The following DOP1A variants were observed in gnomAD, a reference collection of about 807,000 sequenced individuals.
The protein encoded by DOP1A is protein DOP1A.
DOP1A carries 90 observed loss-of-function variants against 267.6 expected under a neutral mutation model. The observed-to-expected ratio is 0.34, with a 90% confidence interval of 0.28 to 0.40. The LOEUF (loss-of-function observed/expected upper bound fraction) is 0.40. DOP1A is among the 10% of genes least tolerant of loss of function. The pLI, the probability that DOP1A is intolerant of heterozygous loss-of-function variation, is 1.00. For missense variants in DOP1A, 2,437 were observed against 2,900.4 expected (o/e 0.84, Z 3.67); for synonymous variants, 932 against 999.1 (o/e 0.93, Z 1.27).
intron 16 of DOP1A, 116 bp from the exon 17 acceptor site, chr6:83,130,007 T>G: frequency 7.8e-7 from 1 of 1,275,150 alleles, no homozygotes; most frequent in Non-Finnish European, 1.1e-6. Context: ...ACCATGGTTT[T>G]GTTAACAGAT....
chr6:83,091,805 A>G (rs1226419109), intron 1 of DOP1A, among the ~76,000 whole-genome samples: 1 of 152,028 alleles, frequency 6.6e-6, no homozygotes, highest in African/African-American at 2.4e-5. Flanking sequence ...CTAAGGAAGG[A>G]AAAAAAATGT....
intron 4 of DOP1A, among the ~76,000 whole-genome samples, chr6:83,103,952 C>G (rs2128147018): frequency 6.6e-6 from 1 of 152,262 alleles, no homozygotes; most frequent in South Asian, 2.1e-4. Flanking sequence ...TGCAGCTTAA[C>G]TTTTAAAACT....
chr6:83,130,569 C>T (rs1007816273), intron 17 of DOP1A, among the ~76,000 whole-genome samples, 172 bp downstream of exon 17: 3 of 152,088 alleles, frequency 2.0e-5, no homozygotes, highest in African/African-American at 7.2e-5. Flanking sequence ...ATACTGCTCT[C>T]CCCATCTTAT....
At chr6:83,170,288 G>T (rs770108815), downstream of DOP1A, 1 of 1,612,222 alleles carries the variant, frequency 6.2e-7, no homozygotes, top group African/African-American at 1.3e-5. Context: ...TTTTTCAATA[G>T]AACTATCCCA....
rs147237554 is a variant in DOP1A, at chr6:83,096,685, A to G, written c.-146-46A>G. 7.3e-4 allele frequency: 303 copies of G among 413,602 alleles called. 1 individual carries two copies. Among genetic ancestry groups the G allele is most frequent in the African/African-American group, 4.7e-3 (233 of 49,404 alleles). The allele number at this position is 413,602 out of a possible 1,614,324, so 25.6% of individuals were successfully genotyped here. The stretch of plus-strand genomic sequence containing the variant: ...TGAAATAAGTATAAGAAAATTTTCT[A>G]TGCTTTTACTTACTAAATTTTCACA... On this transcript the variant is annotated intron_variant, in intron 1 of 38. Transcript: ENST00000349129.
Position 83,137,850 on chromosome 6 carries a change from T to A in DOP1A, c.3808T>A (p.Phe1270Ile). The change falls in exon 21 of 39, where the codon TTC becomes ATC. Residue 1270 changes from phenylalanine (F) to isoleucine (I), a missense_variant. This residue lies in a region of DOP1A where 878 missense variants were observed against 992.9 expected (regional missense o/e 0.88). Transcript: ENST00000349129. ...ACAAAGGAGTCACAGTAGTATTCAA[T>A]TCAGCTTCAAAGAAAAATTATCAGA... ...SRQRSHSSIQFSFKEKLSEKV... is the reference protein window; with the variant it reads ...SRQRSHSSIQISFKEKLSEKV... 1 of 1,613,594 alleles carries A rather than the reference T, an allele frequency of 6.2e-7. No homozygotes were observed. The highest frequency in any genetic ancestry group is 8.5e-7 in the Non-Finnish European group (1 of 1,179,838).
chr6:83,135,669 G>T lies in DOP1A; in HGVS notation c.2921G>T (p.Ser974Ile), dbSNP rs200255523. 234 of 1,613,524 alleles carry T rather than the reference G, an allele frequency of 1.5e-4. 1 individual carries two copies. In the Middle Eastern group the frequency reaches 7.3e-3, roughly 50 times the overall value. Residue 974 changes from serine (S) to isoleucine (I), a missense_variant, in exon 20 of 39, where the codon AGC becomes ATC. Coordinates refer to ENST00000349129, the MANE Select transcript of DOP1A (RefSeq NM_015018.4). ...CTTAACAGTCTCGATGGTTCTACTA[G>T]CTCTGTGGGACAAGCCTGGCTGAAC... ...DSLNSLDGST[S>I]SVGQAWLNQV...
intron 1 of DOP1A, among the ~76,000 whole-genome samples, chr6:83,094,606 T>C (rs1032198425): frequency 4.6e-5 from 7 of 152,216 alleles, no homozygotes; most frequent in African/African-American, 1.4e-4. Flanking sequence ...TGAAATATTG[T>C]GGTTTTGATT....
At chr6:83,096,875 C>A in intron 2 of DOP1A, 50 bp from the exon 3 acceptor site, 1 of 1,346,606 alleles carries the variant, frequency 7.4e-7, no homozygotes, top group Non-Finnish European at 1.0e-6. Flanking sequence ...ATCATATGAA[C>A]CCGTTTTAAT....
rs772292377 is a variant in DOP1A, at chr6:83,108,967, C to G, written c.378C>G (p.Leu126=). The G allele has an allele frequency of 6.2e-7, 1 of 1,613,490 alleles. No homozygotes were observed. The highest frequency in any genetic ancestry group is 8.5e-7 in the Non-Finnish European group (1 of 1,179,772). Reference sequence around the variant, plus strand: ...CCATGTCTGTGAAACCAACATTGCTCAGTTTGTATGAGATATATTATCTGC... The same window carrying G: ...CCATGTCTGTGAAACCAACATTGCTGAGTTTGTATGAGATATATTATCTGC... ...NAAMSVKPTL[L]SLYEIYYLPL... The change falls in exon 5 of 39, where the codon CTC becomes CTG. Residue 126 remains leucine, a synonymous_variant. Transcript: ENST00000349129.
At chr6:83,069,547 G>C (rs543044441) in intron 1 of DOP1A, among the ~76,000 whole-genome samples, 3 of 152,140 alleles carry the variant, frequency 2.0e-5, no homozygotes, top group South Asian at 4.1e-4. Context: ...CCATGCATTA[G>C]GCTTATTTTT....
chr6:83,150,318 A>G (rs1307931847), intron 27 of DOP1A, among the ~76,000 whole-genome samples: 1 of 152,202 alleles, frequency 6.6e-6, no homozygotes, highest in East Asian at 1.9e-4. Context: ...TGTTGGAATC[A>G]TCACCAAATA....
At position 83,139,002 on chromosome 6, in the gene DOP1A, T is replaced by C; in HGVS notation, c.4960T>C (p.Cys1654Arg). 6.2e-7 allele frequency: 1 copy of C among 1,614,136 alleles called. No homozygotes were observed. Among genetic ancestry groups the C allele is most frequent in the South Asian group, 1.1e-5 (1 of 91,084 alleles). The change falls in exon 21 of 39, where the codon TGT becomes CGT. Residue 1654 changes from cysteine (C) to arginine (R), a missense_variant. By Grantham distance (180) the Cys-to-Arg change is radical (BLOSUM62 -3). Around this residue, in one of 9 missense-constraint regions of DOP1A, gnomAD observed 307 missense variants for 308.6 expected, o/e 0.99. Transcript: ENST00000349129. The stretch of plus-strand genomic sequence containing the variant: ...ACGAGCTTTGCATCAGCACTGTGCA[T>C]GTAAGATGCACCCACAATGGATTGG... ...VIRALHQHCA[C>R]KMHPQWIGLI...
At position 83,140,255 on chromosome 6, in the gene DOP1A, A is replaced by C. The variant is rs202197480; in HGVS notation, c.5267A>C (p.Glu1756Ala). 6.2e-7 allele frequency: 1 copy of C among 1,613,072 alleles called. No homozygotes were observed. The highest frequency in any genetic ancestry group is 1.3e-5 in the African/African-American group (1 of 74,922). ...AGTGTAGACCAGAAACACTTGTTTG[A>C]AGCACGCAGTGGAATCCTCTCAATC... Reference protein sequence around the residue: ...LVSVDQKHLFEARSGILSILH... With the variant: ...LVSVDQKHLFAARSGILSILH... The change falls in exon 23 of 39, where the codon GAA becomes GCA. Residue 1756 changes from glutamate to alanine, a missense_variant. By Grantham distance (107) the Glu-to-Ala change is moderately radical. Coordinates refer to ENST00000349129, the MANE Select transcript of DOP1A (RefSeq NM_015018.4).
Position 83,073,995 on chromosome 6 carries a change from G to A in DOP1A, c.-147+6216G>A, listed in dbSNP as rs80025539. ...TCTCACAGGCCAGCAGTGATTCCAT[G>A]TGGTAAGGAATTGCCCAAGAGCATG... On this transcript the variant is annotated intron_variant, in intron 1 of 38. Transcript: ENST00000349129. Among the ~76,000 whole-genome samples, 1,180 of 152,308 alleles carry A rather than the reference G, an allele frequency of 7.7e-3. 16 individuals are homozygous for A. The highest frequency in any genetic ancestry group is 0.026 in the African/African-American group (1,079 of 41,566).
At chr6:83,127,337 G>T (rs529762989) in intron 15 of DOP1A, among the ~76,000 whole-genome samples, 86 of 152,278 alleles carry the variant, frequency 5.6e-4, no homozygotes, top group African/African-American at 2.0e-3. Flanking sequence ...AAGGACAGTG[G>T]AGAGGATAGA....
chr6:83,122,025 A>T lies in DOP1A; in HGVS notation c.1195A>T (p.Ser399Cys). 1 of 1,611,546 alleles carries T rather than the reference A, an allele frequency of 6.2e-7. No individual in the cohort carries two copies. The highest frequency in any genetic ancestry group is 8.5e-7 in the Non-Finnish European group (1 of 1,178,146). Residue 399 changes from serine to cysteine, a missense_variant, in exon 11 of 39, where the codon AGC becomes TGC. Ser to Cys is a moderately radical substitution (Grantham distance 112). Around this residue, in one of 9 missense-constraint regions of DOP1A, gnomAD observed 498 missense variants for 513.5 expected, o/e 0.97. Transcript: ENST00000349129. ...GGATCTTCAAACTGAACCACCCTTC[A>T]GCAAGGATCATGCTCAGTTAAGCAG... The part of the protein sequence containing the change: ...ELDLQTEPPF[S>C]KDHAQLSSKL...
At chr6:83,125,889 A>T (rs1300715695) in intron 15 of DOP1A, among the ~76,000 whole-genome samples, 156 bp downstream of exon 15, 1 of 152,062 alleles carries the variant, frequency 6.6e-6, no homozygotes, top group Non-Finnish European at 1.5e-5. Context: ...TTTTGGTTAT[A>T]GGGCAGTTTA....
intron 1 of DOP1A, among the ~76,000 whole-genome samples, chr6:83,081,641 A>G (rs1278007397): frequency 6.6e-6 from 1 of 152,182 alleles, no homozygotes; most frequent in African/African-American, 2.4e-5. Flanking sequence ...ATGATTTTGT[A>G]TCTATGATCT....
Sources: gnomAD v4.1 joint callset for allele counts (sites outside exome capture counted in the v4.1 genomes callset) on GRCh38, gnomAD v4.1.1 for gene constraint, gnomAD v4.1.1 regional missense constraint, MANE v1.5 for transcripts, NCBI Gene and HGNC (gene_info 2026-07-23, HGNC 2026-07-21) for gene names.